The following C1QTNF3 variants were observed in gnomAD, a reference collection of about 807,000 sequenced individuals.
C1QTNF3 encodes the protein C1q and TNF related 3.
A neutral mutation model predicts 32.6 loss-of-function variants in C1QTNF3; 26 were observed. The observed-to-expected ratio is 0.80, with a 90% CI of 0.58 to 1.11. The LOEUF is 1.11. C1QTNF3 is among the 50% of genes least tolerant of loss of function. C1QTNF3 has a pLI of 0.00. For missense variants in C1QTNF3, 362 were observed against 398.2 expected, an observed-to-expected ratio of 0.91 and a Z score of 0.77; for synonymous variants, 155 against 146.0, an observed-to-expected ratio of 1.06 and a Z score of -0.44.
chr5:34,212,639 A>C, the C1QTNF3 span, among the ~76,000 whole-genome samples: 4 of 151,414 alleles, frequency 2.6e-5, no homozygotes, highest in South Asian at 2.1e-4. Flanking sequence ...ATGCAGCCAA[A>C]AAACACATGA....
the C1QTNF3 span, chr5:34,175,855 T>A: frequency 1.1e-5 from 9 of 793,866 alleles, no homozygotes; most frequent in Admixed American, 5.1e-5. Context: ...AAATTCCAGA[T>A]GAGCTCTCCA....
the C1QTNF3 span, among the ~76,000 whole-genome samples, chr5:34,084,596 C>T: frequency 8.6e-5 from 13 of 151,222 alleles, no homozygotes; most frequent in African/African-American, 3.2e-4. Flanking sequence ...ATGAGCCTCA[C>T]CACATCACCT....
At chr5:34,077,332 T>C in the C1QTNF3 span, among the ~76,000 whole-genome samples, 1 of 151,646 alleles carries the variant, frequency 6.6e-6, no homozygotes. Context: ...ATGACAACTT[T>C]GTGACCCTTA....
chr5:34,219,080 G>A, the C1QTNF3 span, among the ~76,000 whole-genome samples: 1 of 152,060 alleles, frequency 6.6e-6, no homozygotes, highest in African/African-American at 2.4e-5. Context: ...AGATCACAAA[G>A]TATATGGTCT....
the C1QTNF3 span, among the ~76,000 whole-genome samples, chr5:34,070,312 C>T: frequency 6.6e-6 from 1 of 152,180 alleles, no homozygotes; most frequent in South Asian, 2.1e-4. Flanking sequence ...ATCTACTCCA[C>T]TCAACCAGTC....
the C1QTNF3 span, among the ~76,000 whole-genome samples, chr5:34,136,303 G>GA: frequency 6.6e-6 from 1 of 152,154 alleles, no homozygotes; most frequent in Admixed American, 6.5e-5. Flanking sequence ...CAATTTACAA[G>GA]AAAAAAACAA....
chr5:34,154,229 A>G, the C1QTNF3 span, among the ~76,000 whole-genome samples: 1 of 152,220 alleles, frequency 6.6e-6, no homozygotes, highest in Non-Finnish European at 1.5e-5. Context: ...GGAAATGGAA[A>G]GTATAACGAG....
chr5:34,089,966 C>T, the C1QTNF3 span, among the ~76,000 whole-genome samples: 2 of 152,146 alleles, frequency 1.3e-5, no homozygotes, highest in African/African-American at 4.8e-5. Flanking sequence ...CTGGGGTTAC[C>T]CTTGCATAGA....
chr5:34,161,246 A>G, the C1QTNF3 span, among the ~76,000 whole-genome samples: 1 of 152,218 alleles, frequency 6.6e-6, no homozygotes, highest in South Asian at 2.1e-4. Flanking sequence ...TGCAATTGGC[A>G]TTATGCTTCA....
chr5:34,058,302 T>C, the C1QTNF3 span, among the ~76,000 whole-genome samples: 1 of 152,200 alleles, frequency 6.6e-6, no homozygotes, highest in Non-Finnish European at 1.5e-5. Context: ...ATTATGGTTT[T>C]GTCATCATCA....
At chr5:34,140,673 G>T in the C1QTNF3 span, among the ~76,000 whole-genome samples, 1 of 152,150 alleles carries the variant, frequency 6.6e-6, no homozygotes, top group Non-Finnish European at 1.5e-5. Flanking sequence ...TGAAGAGGTG[G>T]TAAAATTAAA....
At chr5:34,048,823 G>A in the C1QTNF3 span, among the ~76,000 whole-genome samples, 5 of 152,270 alleles carry the variant, frequency 3.3e-5, no homozygotes, top group East Asian at 9.7e-4. Flanking sequence ...GTTTTGAAGG[G>A]TGAGCTGGAG....
the C1QTNF3 span, among the ~76,000 whole-genome samples, chr5:34,226,962 G>T: frequency 6.6e-6 from 1 of 151,728 alleles, no homozygotes; most frequent in African/African-American, 2.4e-5. Flanking sequence ...TCAATCTAGG[G>T]TACCTATCAA....
At chr5:34,178,354 C>A in the C1QTNF3 span, among the ~76,000 whole-genome samples, 4 of 152,036 alleles carry the variant, frequency 2.6e-5, no homozygotes, top group Admixed American at 6.6e-5. Flanking sequence ...AACCATTTCC[C>A]CTTACTTGAC....
chr5:34,124,674 A>T, the C1QTNF3 span: 1 of 445,088 alleles, frequency 2.2e-6, no homozygotes, highest in East Asian at 3.5e-5. Context: ...GTTCAACATG[A>T]GATTTGGGTG....
At chr5:34,154,571 G>T in the C1QTNF3 span, among the ~76,000 whole-genome samples, 1 of 152,176 alleles carries the variant, frequency 6.6e-6, no homozygotes, top group Admixed American at 6.5e-5. Context: ...TTAGAATGCT[G>T]AGAACTAGTT....
the C1QTNF3 span, among the ~76,000 whole-genome samples, chr5:34,113,684 A>G: frequency 6.6e-6 from 1 of 152,280 alleles, no homozygotes; most frequent in South Asian, 2.1e-4. Context: ...ATATATGTAT[A>G]TGTATTTTAA....
the C1QTNF3 span, among the ~76,000 whole-genome samples, chr5:34,133,810 G>T: frequency 6.6e-6 from 1 of 152,184 alleles, no homozygotes; most frequent in East Asian, 1.9e-4. Flanking sequence ...TTTCTCTATG[G>T]ACTACAATAC....
chr5:34,136,648 G>C, the C1QTNF3 span, among the ~76,000 whole-genome samples: 5 of 152,066 alleles, frequency 3.3e-5, no homozygotes, highest in Admixed American at 2.0e-4. Flanking sequence ...CACATTACTG[G>C]GTATATACTC....
Sources: allele counts gnomAD v4.1 joint callset (sites outside exome capture counted in the v4.1 genomes callset), GRCh38; gene constraint gnomAD v4.1.1; transcripts MANE v1.5; gene names NCBI Gene and HGNC (gene_info 2026-07-23, HGNC 2026-07-21).